Variants in DQX1 observed in about 807,000 individuals in gnomAD.
The protein encoded by DQX1 is DEAQ-box RNA dependent ATPase 1.
Under a neutral mutation model 81.3 loss-of-function variants are expected in DQX1, and 66 were observed. The observed-to-expected ratio is 0.81, with a 90% confidence interval of 0.67 to 1.00. The LOEUF (loss-of-function observed/expected upper bound fraction) is 1.00. DQX1 is among the 50% of genes least tolerant of loss of function. The probability of loss-of-function intolerance (pLI) is 0.00; values close to 1 mark genes in which losing one functional copy is unlikely to be tolerated. For synonymous variants in DQX1, 290 were observed against 350.0 expected, an observed-to-expected ratio of 0.83 and a Z score of 1.91; for missense variants, 798 against 867.9, an observed-to-expected ratio of 0.92 and a Z score of 1.01.
rs1350532411 is a variant in DQX1 at position 74,522,950 on chromosome 2, G to C, written c.1209C>G (p.Pro403=). The change falls in exon 7 of 12, where the codon CCC becomes CCG. Residue 403 remains proline, a synonymous_variant. Transcript: ENST00000404568. ...AGCTCAGATTCTCCTCACACACCCT[G>C]GGTTGTGGCAATGGTGGAGCTTCTA... is the stretch of plus-strand genomic sequence containing the variant. ...LELEAPPLPQ[P]RVCEENLSSL... is the part of the protein sequence containing the mutation. 1.2e-6 allele frequency: 2 copies of C among 1,614,162 alleles called. No homozygotes were observed. The highest frequency in any genetic ancestry group is 2.2e-5 in the South Asian group (2 of 91,070).
In DQX1 at chr2:74,522,779, G is replaced by A. The variant is rs1675062648; in HGVS notation, c.1304-8C>T. ...GCATCAGTGCTTCTGGAGCTGGTGAGGAAACAGGGCTTACAGGATATGAAG... is the reference window on the plus strand; with the variant it reads ...GCATCAGTGCTTCTGGAGCTGGTGAAGAAACAGGGCTTACAGGATATGAAG... On this transcript the variant is annotated splice_region_variant and splice_polypyrimidine_tract_variant and intron_variant, in intron 7 of 11. Coordinates refer to ENST00000404568, the MANE Select transcript of DQX1 (RefSeq NM_133637.3). The A allele has an allele frequency of 6.2e-7, 1 of 1,613,914 alleles. No individual in the cohort carries two copies. The highest frequency in any genetic ancestry group is 1.7e-5 in the Admixed American group (1 of 60,000).
Position 74,524,311 on chromosome 2 carries a change from T to C in DQX1, c.432-4A>G. ...AAGCAGCCTGTCCCAGCAGAACCTG[T>C]TGACATTGGTAGTGGGCAGAGGAAT... On this transcript the variant is annotated splice_polypyrimidine_tract_variant and splice_region_variant and intron_variant, in intron 3 of 11. Transcript: ENST00000404568. 1 of 1,608,092 alleles carries C rather than the reference T, an allele frequency of 6.2e-7. No homozygotes were observed. The highest frequency in any genetic ancestry group is 8.5e-7 in the Non-Finnish European group (1 of 1,178,240).
chr2:74,521,076 C>G (rs1417453491), intron 8 of DQX1, among the ~76,000 whole-genome samples: 3 of 152,150 alleles, frequency 2.0e-5, no homozygotes, highest in Non-Finnish European at 2.9e-5. Flanking sequence ...GAGGACCTAC[C>G]ATTGGCAGAT....
At chr2:74,521,258 A>G (rs1305888451) in intron 8 of DQX1, among the ~76,000 whole-genome samples, 2 of 152,184 alleles carry the variant, frequency 1.3e-5, no homozygotes, top group Non-Finnish European at 2.9e-5. Flanking sequence ...GACTCTAGAG[A>G]GAGGAAAAGA....
chr2:74,518,687 C>T (rs1674950669), intron 11 of DQX1, 85 bp from the exon 12 acceptor site: 29 of 1,377,638 alleles, frequency 2.1e-5, no homozygotes, highest in Non-Finnish European at 2.9e-5. Flanking sequence ...CGCTCTGTTA[C>T]CTGGGCTGGA....
Position 74,518,357 on chromosome 2 carries a change from T to C in DQX1, c.*89A>G, listed in dbSNP as rs1674940853. 2.0e-6 allele frequency: 3 copies of C among 1,510,742 alleles called. No individual in the cohort carries two copies. The highest frequency in any genetic ancestry group is 2.7e-6 in the Non-Finnish European group (3 of 1,117,656). 93.6% of individuals were successfully genotyped at this position (1,510,742 alleles called of 1,614,324 possible). A position where few individuals can be genotyped will look rare whatever the true frequency, so the allele number is the denominator to read the frequency against. On this transcript the variant is annotated 3_prime_UTR_variant, in exon 12 of 12. Coordinates refer to ENST00000404568, the MANE Select transcript of DQX1 (RefSeq NM_133637.3). ...TTACATTTGACCCTAAACTTTGGGCTTCTAAATCTGTCTGGGTGCTTTGGT... is the reference window on the plus strand; with the variant it reads ...TTACATTTGACCCTAAACTTTGGGCCTCTAAATCTGTCTGGGTGCTTTGGT...
chr2:74,520,479 A>G (rs143831592), intron 8 of DQX1, among the ~76,000 whole-genome samples: 1 of 152,186 alleles, frequency 6.6e-6, no homozygotes, highest in Non-Finnish European at 1.5e-5. Context: ...ACGTAAGTTA[A>G]TAATATAGCA....
Position 74,519,618 on chromosome 2 carries a change from AG to A in DQX1, c.1743del (p.Phe582LeufsTer35). 1 of 1,614,216 alleles carries A rather than the reference AG, an allele frequency of 6.2e-7. No individual in the cohort carries two copies. Among genetic ancestry groups the A allele is most frequent in the Non-Finnish European group, 8.5e-7 (1 of 1,180,040 alleles). ...TCTCTGCGATTCTGCTCAGAGCCAA[AG>A]GCTGGTAGGGACAAGGGAAGTTCAA... Reference protein sequence around the residue: ...QRIELPLSLPAFGSEQNRRDL... With the variant: ...QRIELPLSLPXFGSEQNRRDL... On this transcript the variant is annotated frameshift_variant, in exon 10 of 12. Coordinates refer to ENST00000404568, the MANE Select transcript of DQX1 (RefSeq NM_133637.3). LOFTEE classifies it high-confidence loss of function.
In DQX1 at chr2:74,525,639, A is replaced by C. The variant is rs538579996; in HGVS notation, c.91T>G (p.Phe31Val). 4 of 1,551,806 alleles carry C rather than the reference A, an allele frequency of 2.6e-6. No homozygotes were observed. Among genetic ancestry groups the C allele is most frequent in the Non-Finnish European group, 3.5e-6 (4 of 1,147,020 alleles). ...AGCAGCTCATAGTAGCGGGAAGAGA[A>C]GGGAAGCCCATCAAAGGGGTTCACA... ...LAVNPFDGLP[F>V]SSRYYELLKQ... is the part of the protein sequence containing the mutation. The change falls in exon 2 of 12, where the codon TTC becomes GTC. Residue 31 changes from phenylalanine to valine, a missense_variant. By Grantham distance (50) the Phe-to-Val change is conservative. Transcript: ENST00000404568. The surrounding 1 kb of genome is among the most constrained non-coding windows in gnomAD (Gnocchi z 4.1).
Position 74,525,209 on chromosome 2 carries a change from T to C in DQX1, c.238-7A>G. 3 of 1,537,188 alleles carry C rather than the reference T, an allele frequency of 2.0e-6. No homozygotes were observed. Among genetic ancestry groups the C allele is most frequent in the Non-Finnish European group, 2.6e-6 (3 of 1,137,786 alleles). ...CTGCACACCACTGAGGGATCTGGGATAGAAGTAGGGAAGGAGAGCCAGTGA... is the reference window on the plus strand; with the variant it reads ...CTGCACACCACTGAGGGATCTGGGACAGAAGTAGGGAAGGAGAGCCAGTGA... On this transcript the variant is annotated splice_region_variant and splice_polypyrimidine_tract_variant and intron_variant, in intron 2 of 11. Coordinates refer to ENST00000404568, the MANE Select transcript of DQX1 (RefSeq NM_133637.3). This position sits in a 1 kb window ranked among gnomAD's most constrained non-coding sequence, Gnocchi z 4.1.
chr2:74,522,506 T>C (rs1675054229), intron 8 of DQX1, 74 bp downstream of exon 8: 1 of 1,541,414 alleles, frequency 6.5e-7, no homozygotes, highest in South Asian at 1.3e-5. Context: ...AGGGCTAGCC[T>C]CAGGAGCACC....
chr2:74,523,062 G>A (rs1675073186), intron 6 of DQX1, 48 bp from the exon 7 acceptor site: 3 of 1,613,846 alleles, frequency 1.9e-6, no homozygotes, highest in African/African-American at 2.7e-5. Flanking sequence ...GATTTCTCAG[G>A]GCTTGCATGT....
Position 74,518,297 on chromosome 2 carries a change from C to A in DQX1, c.*149G>T, listed in dbSNP as rs1674939976. ...TGGTTTACCCCATTCTTTCCATTCC[C>A]AGTCTACCATTTCTTGGGACTCAGG... On this transcript the variant is annotated 3_prime_UTR_variant, in exon 12 of 12. Coordinates refer to ENST00000404568, the MANE Select transcript of DQX1 (RefSeq NM_133637.3). The A allele has an allele frequency of 2.2e-5, 19 of 879,058 alleles. No homozygotes were observed. The highest frequency in any genetic ancestry group is 3.3e-5 in the Non-Finnish European group (19 of 583,398). The allele number at this position is 879,058 out of a possible 1,614,324, so 54.5% of individuals were successfully genotyped here. A position where few individuals can be genotyped will look rare whatever the true frequency, so the allele number is the denominator to read the frequency against.
At chr2:74,523,620 T>C in intron 4 of DQX1, 83 bp from the exon 5 acceptor site, 1 of 1,333,354 alleles carries the variant, frequency 7.5e-7, no homozygotes, top group Non-Finnish European at 1.0e-6. Flanking sequence ...TGTTGAAAGT[T>C]ATGGCCCTTC....
Position 74,524,034 on chromosome 2 carries a change from G to A in DQX1, c.705C>T (p.Ile235=). Residue 235 remains isoleucine, a synonymous_variant, in exon 4 of 12, where the codon ATC becomes ATT. Coordinates refer to ENST00000404568, the MANE Select transcript of DQX1 (RefSeq NM_133637.3). ...GATCAGGTGGGATGGTGTCCCAGTAGATGGGGGAAGGTCTCTCACCAGGCT... is the reference window on the plus strand; with the variant it reads ...GATCAGGTGGGATGGTGTCCCAGTAAATGGGGGAAGGTCTCTCACCAGGCT... ...PREPGERPSP[I]YWDTIPPDRV... 1 of 1,614,234 alleles carries A rather than the reference G, an allele frequency of 6.2e-7. No individual in the cohort carries two copies. The highest frequency in any genetic ancestry group is 8.5e-7 in the Non-Finnish European group (1 of 1,180,038).
intron 5 of DQX1, 29 bp downstream of exon 5, chr2:74,523,281 C>A: frequency 6.2e-7 from 1 of 1,614,040 alleles, no homozygotes. Flanking sequence ...GTCTTTACTA[C>A]CCCACCGCTA....
chr2:74,518,578 G>C lies in DQX1; in HGVS notation c.2022C>G (p.Tyr674Ter). The C allele has an allele frequency of 6.2e-7, 1 of 1,614,200 alleles. No homozygotes were observed. Among genetic ancestry groups the C allele is most frequent in the Non-Finnish European group, 8.5e-7 (1 of 1,180,032 alleles). ...PQMLVELAPP[Y>*]FLSNLPPSES... Reference sequence around the variant, plus strand: ...CACTGGGAGGCAAGTTACTCAGGAAGTATGGAGGGGCCAATTCCACCAGCC... The same window carrying C: ...CACTGGGAGGCAAGTTACTCAGGAACTATGGAGGGGCCAATTCCACCAGCC... Residue 674 changes from tyrosine (Y) to a stop codon, truncating the protein, a stop_gained, in exon 12 of 12, where the codon TAC becomes TAG. Coordinates refer to ENST00000404568, the MANE Select transcript of DQX1 (RefSeq NM_133637.3). LOFTEE classifies it high-confidence loss of function.
intron 10 of DQX1, 87 bp downstream of exon 10, chr2:74,519,469 G>C: frequency 6.6e-7 from 1 of 1,522,636 alleles, no homozygotes; most frequent in East Asian, 2.3e-5. Context: ...TGGCCACCTG[G>C]ACCCTGATTT....
At position 74,525,919 on chromosome 2, in the gene DQX1, A is replaced by T. The variant is rs1036394688; in HGVS notation, c.-19-171T>A. 2.6e-5 allele frequency among the ~76,000 whole-genome samples: 4 copies of T among 152,176 alleles called. No homozygotes were observed. The highest frequency in any genetic ancestry group is 9.7e-5 in the African/African-American group (4 of 41,432). On this transcript the variant is annotated intron_variant, in intron 1 of 11. Coordinates refer to ENST00000404568, the MANE Select transcript of DQX1 (RefSeq NM_133637.3). The surrounding 1 kb of genome is among the most constrained non-coding windows in gnomAD (Gnocchi z 4.1). The stretch of plus-strand genomic sequence containing the variant: ...GGTATTTTGATAAAGGGCTACTGAG[A>T]GTTAGTCGACAGTCCCTATAGTCAG...
Sources: gnomAD v4.1 joint callset for allele counts (sites outside exome capture counted in the v4.1 genomes callset) on GRCh38, gnomAD v4.1.1 for gene constraint, Gnocchi (gnomAD v3.1) non-coding constraint, MANE v1.5 for transcripts, NCBI Gene and HGNC (gene_info 2026-07-23, HGNC 2026-07-21) for gene names.